The following GRK3 variants were observed in gnomAD, a reference collection of about 807,000 sequenced individuals.
GRK3 encodes G protein-coupled receptor kinase 3, also known as adrenergic, beta, receptor kinase 2.
In GRK3, 54 loss-of-function variants were observed where a neutral mutation model predicts 95.7. The observed-to-expected ratio is 0.56, with a 90% CI of 0.45 to 0.71. GRK3 has a LOEUF of 0.71. Among genes scored for constraint, GRK3 ranks in the 30% least tolerant of loss-of-function variants. The pLI is 0.00. For missense variants in GRK3, 649 were observed against 851.2 expected (o/e 0.76, Z 2.96); for synonymous variants, 281 against 290.8 (o/e 0.97, Z 0.34).
chr22:25,565,235 G>A (rs1414910069), intron 1 of GRK3, 82 bp downstream of exon 1: 2 of 644,580 alleles, frequency 3.1e-6, no homozygotes, highest in Non-Finnish European at 4.8e-6. Context: ...TGGAGGGTCG[G>A]GCGCTGAGCC....
chr22:25,651,508 C>T (rs568242075), intron 3 of GRK3, among the ~76,000 whole-genome samples: 4 of 152,342 alleles, frequency 2.6e-5, no homozygotes, highest in East Asian at 3.8e-4. Flanking sequence ...AGTATTGACT[C>T]TCTACCAAGA....
At position 25,604,360 on chromosome 22, in the gene GRK3, T is replaced by A. The variant is rs752865188; in HGVS notation, c.114-17T>A. Reference sequence around the variant, plus strand: ...TGTAGGCTGTATTGTTAAAAATGTGTCACTCTTCCCTTCCAGTATCCGGAG... The same window carrying A: ...TGTAGGCTGTATTGTTAAAAATGTGACACTCTTCCCTTCCAGTATCCGGAG... On this transcript the variant is annotated splice_polypyrimidine_tract_variant and intron_variant, in intron 1 of 20. Coordinates refer to ENST00000324198, the MANE Select transcript of GRK3 (RefSeq NM_005160.4). The A allele has an allele frequency of 4.4e-6, 7 of 1,595,626 alleles. No homozygotes were observed. The South Asian group carries it at 6.7e-5, about 15-fold the overall frequency.
intron 13 of GRK3, chr22:25,702,711 A>T: frequency 2.6e-6 from 1 of 389,212 alleles, no homozygotes; most frequent in South Asian, 1.9e-5. Flanking sequence ...TATCTTTATT[A>T]ATTTCACCAG....
In GRK3 at chr22:25,577,231, G is replaced by A. The variant is rs139817518; in HGVS notation, c.113+12078G>A. Among the ~76,000 whole-genome samples the A allele has an allele frequency of 8.6e-3, 1,303 of 151,728 alleles. 26 individuals carry two copies. The highest frequency in any genetic ancestry group is 0.03 in the African/African-American group (1,244 of 41,300). The stretch of plus-strand genomic sequence containing the variant: ...TCTCTTGCCCAGGCTGGAGTGCAGC[G>A]GTGTGATCTCGGCTCACTGTAACCT... On this transcript the variant is annotated intron_variant, in intron 1 of 20. Transcript: ENST00000324198.
intron 8 of GRK3, among the ~76,000 whole-genome samples, chr22:25,677,759 TG>T (rs2085043349): frequency 6.6e-6 from 1 of 152,224 alleles, no homozygotes; most frequent in African/African-American, 2.4e-5. Context: ...GTCCATCATC[TG>T]GGAATTTAGA....
chr22:25,718,679 A>C (rs749411019), intron 19 of GRK3, among the ~76,000 whole-genome samples: 23 of 152,234 alleles, frequency 1.5e-4, no homozygotes, highest in Admixed American at 9.8e-4. Flanking sequence ...AGAAAAGACA[A>C]GCTGGACTTT....
intron 15 of GRK3, among the ~76,000 whole-genome samples, chr22:25,704,531 C>T (rs771330358): frequency 6.8e-4 from 104 of 152,190 alleles, no homozygotes; most frequent in Non-Finnish European, 1.4e-3. Context: ...CTGCCTCAGC[C>T]TCCTGAGTAG....
At chr22:25,717,056 G>A (rs1018944253) in intron 18 of GRK3, among the ~76,000 whole-genome samples, 2 of 152,274 alleles carry the variant, frequency 1.3e-5, no homozygotes, top group East Asian at 1.9e-4. Flanking sequence ...ACTGGTCCCC[G>A]GTGCCAAGAA....
intron 2 of GRK3, among the ~76,000 whole-genome samples, chr22:25,643,855 T>G (rs919455192): frequency 1.3e-5 from 2 of 152,218 alleles, no homozygotes; most frequent in Non-Finnish European, 2.9e-5. Context: ...CCAGGCATTG[T>G]GCAATAGGGT....
chr22:25,604,347 T>G (rs1230686368), intron 1 of GRK3, 30 bp from the exon 2 acceptor site: 4 of 1,547,132 alleles, frequency 2.6e-6, no homozygotes, highest in South Asian at 1.1e-5. Context: ...TAGGCTGTAT[T>G]GTTAAAAATG....
At chr22:25,604,030 G>T (rs1280181166) in intron 1 of GRK3, among the ~76,000 whole-genome samples, 1 of 152,144 alleles carries the variant, frequency 6.6e-6, no homozygotes, top group Admixed American at 6.5e-5. Flanking sequence ...GGCATGTGTG[G>T]TGTGTACGTG....
At chr22:25,611,361 A>T (rs1199040481) in intron 2 of GRK3, among the ~76,000 whole-genome samples, 2 of 152,214 alleles carry the variant, frequency 1.3e-5, no homozygotes, top group Admixed American at 6.5e-5. Context: ...GCTGGGTTGT[A>T]TGGCAAATTT....
In GRK3 at chr22:25,723,043, T is replaced by C. The variant is rs1482308797; in HGVS notation, c.*593T>C. The C allele has an allele frequency of 6.6e-6, 1 of 152,426 alleles. No individual in the cohort carries two copies. The highest frequency in any genetic ancestry group is 6.5e-5 in the Admixed American group (1 of 15,296). 9.4% of individuals were successfully genotyped at this position (152,426 alleles called of 1,614,324 possible). A position where few individuals can be genotyped will look rare whatever the true frequency, so the allele number is the denominator to read the frequency against. On this transcript the variant is annotated 3_prime_UTR_variant, in exon 21 of 21. Transcript: ENST00000324198. ...GACTGCCCTGCCTCTGACCAGTCTGTTCCGGGGCCCCCTCAGCCAGGTGGG... is the reference window on the plus strand; with the variant it reads ...GACTGCCCTGCCTCTGACCAGTCTGCTCCGGGGCCCCCTCAGCCAGGTGGG...
intron 1 of GRK3, among the ~76,000 whole-genome samples, chr22:25,587,801 C>T (rs114849568): frequency 0.035 from 5,250 of 151,668 alleles, 68 homozygotes; most frequent in African/African-American, 0.079. Context: ...AGGGGAAACC[C>T]GTTTCGCTTG....
intron 8 of GRK3, among the ~76,000 whole-genome samples, chr22:25,677,510 G>A (rs2085041225): frequency 6.6e-6 from 1 of 151,226 alleles, no homozygotes; most frequent in Non-Finnish European, 1.5e-5. Flanking sequence ...GATATTTGAA[G>A]AACATATCAC....
intron 2 of GRK3, among the ~76,000 whole-genome samples, chr22:25,644,048 T>C (rs1160399118): frequency 1.3e-5 from 2 of 151,982 alleles, no homozygotes; most frequent in Non-Finnish European, 2.9e-5. Context: ...TGGCACTAGG[T>C]ATTCGGTAGG....
intron 2 of GRK3, among the ~76,000 whole-genome samples, chr22:25,627,396 C>T (rs1166472071): frequency 6.6e-6 from 1 of 152,188 alleles, no homozygotes; most frequent in African/African-American, 2.4e-5. Context: ...TAAAGCATAC[C>T]TTCCACCTTT....
chr22:25,633,640 T>C (rs1293686006), intron 2 of GRK3, among the ~76,000 whole-genome samples: 4 of 152,202 alleles, frequency 2.6e-5, no homozygotes, highest in East Asian at 1.9e-4. Flanking sequence ...CAATATGGAA[T>C]GTGTACCATA....
At chr22:25,649,963 A>G (rs571046959) in intron 3 of GRK3, among the ~76,000 whole-genome samples, 3 of 152,178 alleles carry the variant, frequency 2.0e-5, no homozygotes, top group African/African-American at 7.2e-5. Context: ...GGTAACTGGA[A>G]AGTGACTTAA....
Sources: gnomAD v4.1 joint callset for allele counts (sites outside exome capture counted in the v4.1 genomes callset) on GRCh38, gnomAD v4.1.1 for gene constraint, MANE v1.5 for transcripts, NCBI Gene and HGNC (gene_info 2026-07-23, HGNC 2026-07-21) for gene names.